The following IGSF9B variants were observed in gnomAD, a reference collection of about 807,000 sequenced individuals.
IGSF9B encodes protein turtle homolog B.
IGSF9B carries 48 observed loss-of-function variants against 143.7 expected under a neutral mutation model. The ratio of observed to expected loss-of-function variants is 0.33; its 90% CI spans 0.26 to 0.42. The LOEUF (loss-of-function observed/expected upper bound fraction) is 0.42, where lower values mean the gene tolerates loss of function less well. Ranked by LOEUF, IGSF9B falls within the 20% of genes least tolerant of loss-of-function variation. IGSF9B has a pLI of 1.00. For synonymous variants in IGSF9B, 903 were observed against 833.1 expected, an observed-to-expected ratio of 1.08 and a Z score of -1.44; for missense variants, 1,706 against 1,980.0, an observed-to-expected ratio of 0.86 and a Z score of 2.63.
At position 133,912,024 on chromosome 11, in the gene IGSF9B, G is replaced by C; in HGVS notation, c.3984-17C>G. ...GGAAGTGTTCTGGAAAGGACAACCA[G>C]AGAGCCACAATTCAGCTCCCGGATG... On this transcript the variant is annotated splice_polypyrimidine_tract_variant and intron_variant, in intron 18 of 19. Transcript: ENST00000533871. The C allele has an allele frequency of 6.6e-7, 1 of 1,508,600 alleles. No individual in the cohort carries two copies. Among genetic ancestry groups the C allele is most frequent in the Non-Finnish European group, 8.8e-7 (1 of 1,137,974 alleles). 93.5% of individuals were successfully genotyped at this position (1,508,600 alleles called of 1,614,324 possible).
chr11:133,920,088 T>A lies in IGSF9B; in HGVS notation c.3637A>T (p.Thr1213Ser). The A allele has an allele frequency of 1.3e-6, 2 of 1,523,250 alleles. No individual in the cohort carries two copies. The highest frequency in any genetic ancestry group is 1.8e-6 in the Non-Finnish European group (2 of 1,136,262). The allele number at this position is 1,523,250 out of a possible 1,614,324, so 94.4% of individuals were successfully genotyped here. Reference sequence around the variant, plus strand: ...CGGGCGGCGAGCTCAGGGGAGCCGGTGCGGGAGCTGAGGGGGCTTTGGGTC... The same window carrying A: ...CGGGCGGCGAGCTCAGGGGAGCCGGAGCGGGAGCTGAGGGGGCTTTGGGTC... ...PLTQSPLSSR[T>S]GSPELAARAR... The change falls in exon 18 of 20, where the codon ACC becomes TCC. Residue 1213 changes from threonine (T) to serine (S), a missense_variant. Physicochemically the swap from Thr to Ser is moderately conservative, Grantham distance 58 (BLOSUM62 1). This residue lies in a region of IGSF9B where 880 missense variants were observed against 762.9 expected (regional missense o/e 1.15). Transcript: ENST00000533871.
chr11:133,953,777 A>C lies in IGSF9B; in HGVS notation c.64+2914T>G, dbSNP rs1436966458. Among the ~76,000 whole-genome samples the C allele has an allele frequency of 2.0e-5, 3 of 152,170 alleles. No individual in the cohort carries two copies. The highest frequency in any genetic ancestry group is 4.4e-5 in the Non-Finnish European group (3 of 68,036). ...ACGGCCCAGGGTCCTCCCACAGAGT[A>C]GGAACTCCCCCGGGCTGGCTCAGCA... On this transcript the variant is annotated intron_variant, in intron 1 of 19. Transcript: ENST00000533871. The surrounding 1 kb of genome is among the most constrained non-coding windows in gnomAD (Gnocchi z 4.2).
rs1207385420 is a variant in IGSF9B, at chr11:133,906,964, C to G, written c.*2105G>C. Among the ~76,000 whole-genome samples, 1 of 152,172 alleles carries G rather than the reference C, an allele frequency of 6.6e-6. No homozygotes were observed. The highest frequency in any genetic ancestry group is 2.4e-5 in the African/African-American group (1 of 41,442). Reference sequence around the variant, plus strand: ...TGAGCAGCACATCACGACGCGGGGGCAGAGGGTGTGCTACCTGGAAAAAAG... The same window carrying G: ...TGAGCAGCACATCACGACGCGGGGGGAGAGGGTGTGCTACCTGGAAAAAAG... On this transcript the variant is annotated 3_prime_UTR_variant, in exon 20 of 20. Transcript: ENST00000533871.
At chr11:133,937,024 T>G (rs1316033962) in intron 5 of IGSF9B, among the ~76,000 whole-genome samples, 1 of 152,148 alleles carries the variant, frequency 6.6e-6, no homozygotes, top group African/African-American at 2.4e-5. Flanking sequence ...ATTGATGCCG[T>G]CACTAATGGA....
rs1156256676 is a variant in IGSF9B, at chr11:133,913,625, C to A, written c.3984-1618G>T. Among the ~76,000 whole-genome samples, 2 of 152,204 alleles carry A rather than the reference C, an allele frequency of 1.3e-5. No individual in the cohort carries two copies. Among genetic ancestry groups the A allele is most frequent in the Non-Finnish European group, 1.5e-5 (1 of 68,046 alleles). On this transcript the variant is annotated intron_variant, in intron 18 of 19. Coordinates refer to ENST00000533871, the MANE Select transcript of IGSF9B (RefSeq NM_001277285.4). This position sits in a 1 kb window ranked among gnomAD's most constrained non-coding sequence, Gnocchi z 4.6. ...GCTAAGAAGGCTACACAGGGTCCCT[C>A]AGGTGCACACACAGGCACACACAGC...
chr11:133,911,755 T>TA (rs1438772305), intron 19 of IGSF9B, 131 bp downstream of exon 19: 17 of 685,886 alleles, frequency 2.5e-5, no homozygotes, highest in Middle Eastern at 8.6e-4. Flanking sequence ...GCTTGTGGAT[T>TA]CAATTCTAGA....
In IGSF9B at chr11:133,906,777, G is replaced by C. The variant is rs1444618584; in HGVS notation, c.*2292C>G. Among the ~76,000 whole-genome samples the C allele has an allele frequency of 6.6e-6, 1 of 152,156 alleles. No individual in the cohort carries two copies. The highest frequency in any genetic ancestry group is 2.4e-5 in the African/African-American group (1 of 41,420). The stretch of plus-strand genomic sequence containing the variant: ...CTGACAGCCTGATGCCCACATCCCA[G>C]TGCATCCCAGGGCCTGGCTGAGCCC... On this transcript the variant is annotated 3_prime_UTR_variant, in exon 20 of 20. Transcript: ENST00000533871.
chr11:133,914,334 G>T (rs1939345159), intron 18 of IGSF9B, among the ~76,000 whole-genome samples: 1 of 152,002 alleles, frequency 6.6e-6, no homozygotes, highest in African/African-American at 2.4e-5. Context: ...TGCCCTTCCA[G>T]CGTCTTCCCA....
rs1018674930 is a variant in IGSF9B at position 133,922,669 on chromosome 11, G to T, written c.2181C>A (p.Ile727=). The change falls in exon 16 of 20, where the codon ATC becomes ATA. Residue 727 remains isoleucine, a synonymous_variant. Coordinates refer to ENST00000533871, the MANE Select transcript of IGSF9B (RefSeq NM_001277285.4). ...CTGCCAAGAAGCAGATGGTAGCTAC[G>T]ATTCCCGCCAGCACAGGCCGCGCCA... ...DGLARPVLAG[I]VATICFLAAA... The T allele has an allele frequency of 3.2e-6, 5 of 1,586,148 alleles. No individual in the cohort carries two copies. The highest frequency in any genetic ancestry group is 4.3e-6 in the Non-Finnish European group (5 of 1,165,676).
rs1215811629 is a variant in IGSF9B, at chr11:133,902,009, CCAGA to C, written c.*7056_*7059del. ...CAGACACATCACACACACACACACA[CCAGA>C]CATACACACACCATACCACACACCA... On this transcript the variant is annotated 3_prime_UTR_variant, in exon 20 of 20. Coordinates refer to ENST00000533871, the MANE Select transcript of IGSF9B (RefSeq NM_001277285.4). Among the ~76,000 whole-genome samples the C allele has an allele frequency of 2.4e-5, 3 of 124,684 alleles. No individual in the cohort carries two copies. The highest frequency in any genetic ancestry group is 6.9e-5 in the African/African-American group (2 of 28,994). 81.8% of individuals were successfully genotyped at this position (124,684 alleles called of 152,430 possible). A position where few individuals can be genotyped will look rare whatever the true frequency, so the allele number is the denominator to read the frequency against.
chr11:133,919,131 G>T, intron 18 of IGSF9B: 1 of 380,798 alleles, frequency 2.6e-6, no homozygotes, highest in Non-Finnish European at 5.3e-6. Context: ...GGGGGGGGTG[G>T]GGGACGTGTC....
In IGSF9B at chr11:133,921,330, C is replaced by T. The variant is rs772827129; in HGVS notation, c.2395G>A (p.Asp799Asn). The change falls in exon 18 of 20, where the codon GAC becomes AAC. Residue 799 changes from aspartate to asparagine, a missense_variant. This residue lies in a region of IGSF9B where 135 missense variants were observed against 181.3 expected (regional missense o/e 0.74). Coordinates refer to ENST00000533871, the MANE Select transcript of IGSF9B (RefSeq NM_001277285.4). ...TLRAPSESSD[D>N]QGQPAAKRML... ...CTCTTGGCCGCGGGCTGGCCCTGGTCGTCGGAGGATTCTGACGGCGCTCGG... is the reference window on the plus strand; with the variant it reads ...CTCTTGGCCGCGGGCTGGCCCTGGTTGTCGGAGGATTCTGACGGCGCTCGG... The T allele has an allele frequency of 9.4e-6, 15 of 1,592,718 alleles. No homozygotes were observed. The highest frequency in any genetic ancestry group is 2.7e-5 in the African/African-American group (2 of 74,250).
chr11:133,917,048 G>A (rs1485365413), intron 18 of IGSF9B, among the ~76,000 whole-genome samples: 3 of 152,174 alleles, frequency 2.0e-5, no homozygotes, highest in Non-Finnish European at 4.4e-5. Flanking sequence ...CCACTCTTAG[G>A]AATGAATGAG....
At chr11:133,925,509 AG>A (rs1939607701) in intron 14 of IGSF9B, among the ~76,000 whole-genome samples, 1 of 152,122 alleles carries the variant, frequency 6.6e-6, no homozygotes, top group Non-Finnish European at 1.5e-5. Flanking sequence ...GACCCTCAGT[AG>A]AACACAGGTC....
intron 13 of IGSF9B, 94 bp downstream of exon 13, chr11:133,926,822 C>T (rs1012171931): frequency 1.7e-5 from 18 of 1,051,186 alleles, no homozygotes; most frequent in Non-Finnish European, 2.5e-5. Context: ...AGCAAGGTAC[C>T]GGCACACAGG....
In IGSF9B at chr11:133,919,129, T is replaced by TGGGGGGGGGGGGGGGG. The variant is rs756305133; in HGVS notation, c.3983+612_3983+613insCCCCCCCCCCCCCCCC. 1.3e-3 allele frequency: 233 copies of TGGGGGGGGGGGGGGGG among 175,800 alleles called. 1 individual carries two copies. Among genetic ancestry groups the TGGGGGGGGGGGGGGGG allele is most frequent in the East Asian group, 2.5e-3 (10 of 3,940 alleles). The allele number at this position is 175,800 out of a possible 1,614,324, so 10.9% of individuals were successfully genotyped here. On this transcript the variant is annotated intron_variant, in intron 18 of 19. Transcript: ENST00000533871. ...TCCTGCGAGGTATACGGGGGGGGGG[T>TGGGGGGGGGGGGGGGG]GGGGGACGTGTCCTGCACATGGTCA...
chr11:133,917,169 G>A (rs954633761), intron 18 of IGSF9B, among the ~76,000 whole-genome samples: 17 of 152,166 alleles, frequency 1.1e-4, no homozygotes, highest in African/African-American at 3.1e-4. Context: ...GAGGCTCGCC[G>A]TCTCCCATGC....
Position 133,932,218 on chromosome 11 carries a change from A to G in IGSF9B, c.968-5T>C, listed in dbSNP as rs970568191. On this transcript the variant is annotated splice_region_variant and splice_polypyrimidine_tract_variant and intron_variant, in intron 7 of 19. Transcript: ENST00000533871. ...TGTTGAGGACACGCGCTGGGTCTGC[A>G]TAGAGGAAGCGCAGGTGAGAGAGCA... The G allele has an allele frequency of 2.6e-6, 4 of 1,553,888 alleles. No individual in the cohort carries two copies. The highest frequency in any genetic ancestry group is 3.5e-6 in the Non-Finnish European group (4 of 1,148,412).
intron 7 of IGSF9B, 63 bp from the exon 8 acceptor site, chr11:133,932,276 C>G (rs1939746601): frequency 6.8e-7 from 1 of 1,477,104 alleles, no homozygotes; most frequent in Admixed American, 2.0e-5. Context: ...CAGACAGACA[C>G]AGGGACAGAC....
Sources: allele counts gnomAD v4.1 joint callset (sites outside exome capture counted in the v4.1 genomes callset), GRCh38; gene constraint gnomAD v4.1.1; regional missense constraint gnomAD v4.1.1; non-coding constraint Gnocchi (gnomAD v3.1); transcripts MANE v1.5; gene names NCBI Gene and HGNC (gene_info 2026-07-23, HGNC 2026-07-21).